The following ARHGEF37 variants were observed in gnomAD, a reference collection of about 807,000 sequenced individuals.
The protein encoded by ARHGEF37 is Rho guanine nucleotide exchange factor 37, also known as Rho guanine nucleotide exchange factor (GEF) 37.
ARHGEF37 carries 55 observed loss-of-function variants against 71.1 expected under a neutral mutation model. The ratio of observed to expected loss-of-function variants is 0.77; its 90% CI spans 0.62 to 0.97. The LOEUF (loss-of-function observed/expected upper bound fraction) is 0.97. Ranked by LOEUF, ARHGEF37 falls within the 50% of genes least tolerant of loss-of-function variation. The pLI is 0.00. For synonymous variants in ARHGEF37, 327 were observed against 350.6 expected, an observed-to-expected ratio of 0.93 and a Z score of 0.75; for missense variants, 765 against 836.8, an observed-to-expected ratio of 0.91 and a Z score of 1.06.
At chr5:149,575,305 G>A (rs1259290555) in intron 1 of ARHGEF37, among the ~76,000 whole-genome samples, 1 of 152,114 alleles carries the variant, frequency 6.6e-6, no homozygotes, top group African/African-American at 2.4e-5. Context: ...CCTTATCTTT[G>A]GCTCCCTAAT....
intron 2 of ARHGEF37, 49 bp downstream of exon 2, chr5:149,598,004 G>T (rs1763600176): frequency 1.3e-6 from 2 of 1,494,662 alleles, no homozygotes; most frequent in African/African-American, 1.4e-5. Context: ...GGCAAATGTG[G>T]GTCCCAGCTT....
chr5:149,576,278 T>C (rs1392449827), intron 1 of ARHGEF37, among the ~76,000 whole-genome samples: 3 of 152,164 alleles, frequency 2.0e-5, no homozygotes, highest in Non-Finnish European at 2.9e-5. Flanking sequence ...AATTGTAAAA[T>C]AGGCCCAGAG....
chr5:149,615,798 A>T (rs1561803909), intron 4 of ARHGEF37, among the ~76,000 whole-genome samples: 1 of 152,172 alleles, frequency 6.6e-6, no homozygotes, highest in Non-Finnish European at 1.5e-5. Flanking sequence ...AGGCTGAGGC[A>T]GGAGAACCAC....
intron 1 of ARHGEF37, among the ~76,000 whole-genome samples, chr5:149,582,412 G>A (rs778784008): frequency 1.3e-5 from 2 of 152,200 alleles, no homozygotes; most frequent in South Asian, 2.1e-4. Context: ...CCTGCTGTGC[G>A]TCCAGACAGC....
At chr5:149,585,422 C>T (rs1209768242) in intron 1 of ARHGEF37, among the ~76,000 whole-genome samples, 1 of 152,134 alleles carries the variant, frequency 6.6e-6, no homozygotes, top group Admixed American at 6.5e-5. Flanking sequence ...TGGAAAGTAA[C>T]GATGTATTGA....
intron 1 of ARHGEF37, among the ~76,000 whole-genome samples, chr5:149,589,526 T>C (rs1429063509): frequency 2.0e-5 from 3 of 151,998 alleles, no homozygotes; most frequent in Non-Finnish European, 2.9e-5. Flanking sequence ...TGAAACACAG[T>C]TTCCCTCTTG....
chr5:149,629,884 A>G (rs1403936278), intron 12 of ARHGEF37, among the ~76,000 whole-genome samples: 1 of 152,262 alleles, frequency 6.6e-6, no homozygotes, highest in African/African-American at 2.4e-5. Flanking sequence ...ACACCGGTAC[A>G]TGCTGCAGCA....
Position 149,621,925 on chromosome 5 carries a change from T to A in ARHGEF37, c.1198T>A (p.Ser400Thr). ...AARHTYQALNSLLVAELPQFN... is the reference protein window; with the variant it reads ...AARHTYQALNTLLVAELPQFN... The stretch of plus-strand genomic sequence containing the variant: ...CCGGCACACATACCAGGCACTCAAC[T>A]CGCTGCTAGTGGCTGAGCTCCCACA... The change falls in exon 9 of 13, where the codon TCG becomes ACG. Residue 400 changes from serine (S) to threonine (T), a missense_variant. Ser to Thr is a moderately conservative substitution (Grantham distance 58). Transcript: ENST00000333677. 1 of 1,614,240 alleles carries A rather than the reference T, an allele frequency of 6.2e-7. No homozygotes were observed. The highest frequency in any genetic ancestry group is 8.5e-7 in the Non-Finnish European group (1 of 1,180,040).
chr5:149,610,734 G>A (rs1764055826), intron 4 of ARHGEF37, among the ~76,000 whole-genome samples: 1 of 152,200 alleles, frequency 6.6e-6, no homozygotes. Context: ...AGGGAAGCAA[G>A]GTGCCAGAGA....
chr5:149,630,353 T>C (rs914758909), intron 12 of ARHGEF37, among the ~76,000 whole-genome samples: 8 of 152,152 alleles, frequency 5.3e-5, no homozygotes, highest in Non-Finnish European at 8.8e-5. Context: ...GAGGCAGCCC[T>C]CACAATGATC....
At chr5:149,609,757 T>C (rs7447560) in intron 4 of ARHGEF37, 62 bp downstream of exon 4, 823,770 of 1,600,458 alleles carry the variant, frequency 0.51, 218,208 homozygotes, top group Non-Finnish European at 0.55. Context: ...GGAGCAGCTA[T>C]GGTCTCACCC....
chr5:149,632,363 T>A lies in ARHGEF37; in HGVS notation c.*172T>A. On this transcript the variant is annotated 3_prime_UTR_variant, in exon 13 of 13. Transcript: ENST00000333677. ...ACATGGGCGGGCCTCGCAGAGTGCT[T>A]GGTGTGGTGGGGGCACAGGAGGCTC... is the stretch of plus-strand genomic sequence containing the variant. 1.4e-6 allele frequency: 1 copy of A among 691,894 alleles called. No homozygotes were observed. Among genetic ancestry groups the A allele is most frequent in the Non-Finnish European group, 2.4e-6 (1 of 419,442 alleles). 42.9% of individuals were successfully genotyped at this position (691,894 alleles called of 1,614,324 possible). A position where few individuals can be genotyped will look rare whatever the true frequency, so the allele number is the denominator to read the frequency against.
intron 1 of ARHGEF37, among the ~76,000 whole-genome samples, chr5:149,563,873 A>G (rs757204055): frequency 6.6e-6 from 1 of 151,782 alleles, no homozygotes; most frequent in African/African-American, 2.4e-5. Context: ...CTTCTAATCA[A>G]CGTGAAGATA....
chr5:149,576,780 A>G (rs145433052), upstream of ARHGEF37, among the ~76,000 whole-genome samples: 1,132 of 152,252 alleles, frequency 7.4e-3, 20 homozygotes, highest in African/African-American at 0.026. Flanking sequence ...ACATGGTGAA[A>G]ACCCATCTCT....
In ARHGEF37 at chr5:149,633,522, G is replaced by C. The variant is rs1411836501; in HGVS notation, c.*1331G>C. The C allele has an allele frequency of 6.6e-6, 1 of 152,240 alleles. No individual in the cohort carries two copies. The highest frequency in any genetic ancestry group is 1.5e-5 in the Non-Finnish European group (1 of 68,054). 9.4% of individuals were successfully genotyped at this position (152,240 alleles called of 1,614,324 possible). On this transcript the variant is annotated 3_prime_UTR_variant, in exon 13 of 13. Coordinates refer to ENST00000333677, the MANE Select transcript of ARHGEF37 (RefSeq NM_001001669.3). Reference sequence around the variant, plus strand: ...TGTTCAAGGAGGACTGACCTGCTGGGGCAATGTTGGGTGCAGTGCAGTCCC... The same window carrying C: ...TGTTCAAGGAGGACTGACCTGCTGGCGCAATGTTGGGTGCAGTGCAGTCCC...
intron 1 of ARHGEF37, among the ~76,000 whole-genome samples, chr5:149,562,754 C>T (rs1044005162): frequency 6.6e-6 from 1 of 152,180 alleles, no homozygotes; most frequent in African/African-American, 2.4e-5. Flanking sequence ...CCAAGAACAC[C>T]AGCTTTTTGA....
chr5:149,569,508 T>G (rs1762937616), intron 1 of ARHGEF37, among the ~76,000 whole-genome samples: 1 of 151,502 alleles, frequency 6.6e-6, no homozygotes, highest in Admixed American at 6.6e-5. Flanking sequence ...TTAGTAGAGA[T>G]AGGGTTACAT....
At position 149,615,100 on chromosome 5, in the gene ARHGEF37, C is replaced by T. The variant is rs566506969; in HGVS notation, c.459-1467C>T. On this transcript the variant is annotated intron_variant, in intron 4 of 12. Coordinates refer to ENST00000333677, the MANE Select transcript of ARHGEF37 (RefSeq NM_001001669.3). The stretch of plus-strand genomic sequence containing the variant: ...AGGAGACTATAACTAGTCATCCATG[C>T]ATCAGTGGTGTATCTGGAAGGGACC... 2.6e-5 allele frequency among the ~76,000 whole-genome samples: 4 copies of T among 152,186 alleles called. No homozygotes were observed. The South Asian group carries it at 8.3e-4, about 32-fold the overall frequency.
At position 149,627,195 on chromosome 5, in the gene ARHGEF37, T is replaced by G. The variant is rs753018842; in HGVS notation, c.1584T>G (p.Pro528=). The G allele has an allele frequency of 1.2e-6, 2 of 1,613,954 alleles. No homozygotes were observed. The highest frequency in any genetic ancestry group is 1.7e-6 in the Non-Finnish European group (2 of 1,180,046). Residue 528 remains proline, a synonymous_variant, in exon 11 of 13, where the codon CCT becomes CCG. Transcript: ENST00000333677. Reference sequence around the variant, plus strand: ...CTGGGACTCTGGACCTGACTCTGCCTCGGGGCCAAATCGTGGCCATCCTTC... The same window carrying G: ...CTGGGACTCTGGACCTGACTCTGCCGCGGGGCCAAATCGTGGCCATCCTTC... ...SGTGTLDLTL[P]RGQIVAILQN...
Sources: gnomAD v4.1 joint callset for allele counts (sites outside exome capture counted in the v4.1 genomes callset) on GRCh38, gnomAD v4.1.1 for gene constraint, MANE v1.5 for transcripts, NCBI Gene and HGNC (gene_info 2026-07-23, HGNC 2026-07-21) for gene names.